Variants in CSTPP1 observed in about 807,000 individuals in gnomAD.
CSTPP1 encodes UPF0705 protein C11orf49.
the CSTPP1 span, among the ~76,000 whole-genome samples, chr11:47,014,042 C>CA: frequency 3.3e-5 from 5 of 151,770 alleles, no homozygotes; most frequent in Non-Finnish European, 5.9e-5. Context: ...CCCATCTCTA[C>CA]AAAAAAATAC....
the CSTPP1 span, among the ~76,000 whole-genome samples, chr11:47,113,804 T>C: frequency 6.6e-6 from 1 of 152,242 alleles, no homozygotes; most frequent in Admixed American, 6.5e-5. Flanking sequence ...GGTTGCCTGT[T>C]CACTCTGATG....
chr11:46,938,340 A>ATAT, the CSTPP1 span, among the ~76,000 whole-genome samples: 698 of 147,936 alleles, frequency 4.7e-3, 1 homozygote, highest in Non-Finnish European at 7.2e-3. Flanking sequence ...AATATATTAT[A>ATAT]TATTATTATT....
chr11:47,105,781 T>C, the CSTPP1 span, among the ~76,000 whole-genome samples: 2 of 152,202 alleles, frequency 1.3e-5, no homozygotes, highest in Admixed American at 6.5e-5. Context: ...TGTGGTATCA[T>C]CTCAGAGCCA....
At chr11:47,079,169 A>C in the CSTPP1 span, among the ~76,000 whole-genome samples, 1 of 152,182 alleles carries the variant, frequency 6.6e-6, no homozygotes, top group Non-Finnish European at 1.5e-5. Context: ...AGCAACGAAA[A>C]AGAAATATAC....
the CSTPP1 span, among the ~76,000 whole-genome samples, chr11:47,119,674 C>T: frequency 2.2e-4 from 29 of 131,422 alleles, no homozygotes; most frequent in South Asian, 9.5e-4. Context: ...TGCAATGGTG[C>T]GAGCTCGGCT....
At chr11:47,156,400 T>G in the CSTPP1 span, among the ~76,000 whole-genome samples, 1 of 152,154 alleles carries the variant, frequency 6.6e-6, no homozygotes, top group South Asian at 2.1e-4. Context: ...AGATGGGCCA[T>G]AAGTCAGCAG....
chr11:47,018,206 T>G, the CSTPP1 span, among the ~76,000 whole-genome samples: 1 of 152,174 alleles, frequency 6.6e-6, no homozygotes, highest in Non-Finnish European at 1.5e-5. Context: ...TGTACTCATT[T>G]CTGTGTGAAC....
the CSTPP1 span, among the ~76,000 whole-genome samples, chr11:47,085,063 G>T: frequency 1.4e-4 from 21 of 152,134 alleles, no homozygotes; most frequent in African/African-American, 5.1e-4. Context: ...AATTAGCTGG[G>T]CGTGGTGGTG....
the CSTPP1 span, among the ~76,000 whole-genome samples, chr11:46,968,559 T>A: frequency 6.6e-6 from 1 of 151,646 alleles, no homozygotes; most frequent in Admixed American, 6.6e-5. Flanking sequence ...TAAAATTATC[T>A]AATTTTTTTT....
At chr11:47,109,924 T>C in the CSTPP1 span, among the ~76,000 whole-genome samples, 1 of 152,254 alleles carries the variant, frequency 6.6e-6, no homozygotes, top group Non-Finnish European at 1.5e-5. Flanking sequence ...CAAAACACTC[T>C]TGTTGCTGAT....
chr11:46,989,545 C>G, the CSTPP1 span, among the ~76,000 whole-genome samples: 17 of 152,210 alleles, frequency 1.1e-4, no homozygotes, highest in South Asian at 2.1e-4. Flanking sequence ...AAGTAATCCT[C>G]TCACCTTGGC....
chr11:47,144,275 G>A, the CSTPP1 span, among the ~76,000 whole-genome samples: 8 of 152,122 alleles, frequency 5.3e-5, no homozygotes, highest in Admixed American at 2.0e-4. Flanking sequence ...TGCAACCTCC[G>A]CCTCCTGGGT....
At chr11:47,137,749 GA>G in the CSTPP1 span, 2 of 1,609,766 alleles carry the variant, frequency 1.2e-6, no homozygotes, top group South Asian at 2.2e-5. Context: ...CTGGACTCTT[GA>G]AACCAACTCA....
chr11:46,999,001 A>G, the CSTPP1 span, among the ~76,000 whole-genome samples: 1 of 151,926 alleles, frequency 6.6e-6, no homozygotes, highest in Admixed American at 6.6e-5. Flanking sequence ...CGGCCTTCCA[A>G]AGTGCTGGGA....
the CSTPP1 span, chr11:47,161,987 TCTC>T: frequency 1.9e-6 from 2 of 1,041,424 alleles, no homozygotes; most frequent in Non-Finnish European, 1.2e-6. Context: ...ATAAGGTTCA[TCTC>T]CTCACAGCAA....
chr11:47,059,361 T>C, the CSTPP1 span, among the ~76,000 whole-genome samples: 1 of 152,066 alleles, frequency 6.6e-6, no homozygotes, highest in Non-Finnish European at 1.5e-5. Flanking sequence ...CCACCCCCTC[T>C]CTGCCAAAAA....
the CSTPP1 span, among the ~76,000 whole-genome samples, chr11:47,150,186 T>C: frequency 6.6e-6 from 1 of 152,132 alleles, no homozygotes; most frequent in South Asian, 2.1e-4. Flanking sequence ...CTGAAGGTAG[T>C]AGTATTTGAA....
chr11:46,966,041 CTTTTT>C, the CSTPP1 span, among the ~76,000 whole-genome samples: 6 of 151,954 alleles, frequency 3.9e-5, 1 homozygote, highest in South Asian at 1.0e-3. Flanking sequence ...TCAGAAAAGT[CTTTTT>C]TTTGTTTGTT....
chr11:46,963,834 G>A, the CSTPP1 span, among the ~76,000 whole-genome samples: 2 of 151,192 alleles, frequency 1.3e-5, no homozygotes, highest in South Asian at 2.1e-4. Flanking sequence ...GTTTGAAGTT[G>A]GTCATAGCTA....
Sources: allele counts gnomAD v4.1 joint callset (sites outside exome capture counted in the v4.1 genomes callset), GRCh38; gene constraint gnomAD v4.1.1; transcripts MANE v1.5; gene names NCBI Gene and HGNC (gene_info 2026-07-23, HGNC 2026-07-21).